The following TPRG1 variants were observed in gnomAD, a reference collection of about 807,000 sequenced individuals.
TPRG1 encodes tumor protein p63 regulated 1.
A neutral mutation model predicts 29.3 loss-of-function variants in TPRG1; 29 were observed. That is an observed-to-expected ratio of 0.99 (90% CI 0.74 to 1.35). The LOEUF (loss-of-function observed/expected upper bound fraction) is 1.35, where lower values mean the gene tolerates loss of function less well. Among genes scored for constraint, TPRG1 ranks in the 40% most tolerant of loss-of-function variants. The pLI is 0.00. For missense variants in TPRG1, 327 were observed against 335.0 expected (o/e 0.98, Z 0.19); for synonymous variants, 130 against 116.8 (o/e 1.11, Z -0.73).
intron 2 of TPRG1, among the ~76,000 whole-genome samples, chr3:189,003,505 C>T (rs1712133618): frequency 6.6e-6 from 1 of 152,146 alleles, no homozygotes. Flanking sequence ...AAAGTTTAAT[C>T]TCTCCTCTTT....
At chr3:189,272,752 G>GTTCCTTCC (rs1179275065) in intron 4 of TPRG1, among the ~76,000 whole-genome samples, 3 of 44,868 alleles carry the variant, frequency 6.7e-5, no homozygotes, top group Non-Finnish European at 1.4e-4. Context: ...TCCTTCCTTC[G>GTTCCTTCC]TTCCTTCCTT....
At chr3:189,164,006 T>C (rs2360224) in intron 5 of TPRG1, among the ~76,000 whole-genome samples, 36,936 of 151,812 alleles carry the variant, frequency 0.24, 4,703 homozygotes, top group South Asian at 0.4. Flanking sequence ...AACAAATAAA[T>C]AAGACATATA....
At chr3:189,203,392 G>C (rs1178796934) in intron 1 of TPRG1, among the ~76,000 whole-genome samples, 1 of 151,670 alleles carries the variant, frequency 6.6e-6, no homozygotes, top group Non-Finnish European at 1.5e-5. Context: ...TTTTAAAAGA[G>C]CAAAAATTGA....
intron 3 of TPRG1, among the ~76,000 whole-genome samples, chr3:189,144,337 T>C (rs1368778818): frequency 6.6e-6 from 1 of 152,220 alleles, no homozygotes; most frequent in Non-Finnish European, 1.5e-5. Flanking sequence ...TCAAGGTATT[T>C]TTAACCTTTA....
At chr3:189,065,934 A>G (rs1716414037) in intron 4 of TPRG1, among the ~76,000 whole-genome samples, 2 of 152,210 alleles carry the variant, frequency 1.3e-5, no homozygotes, top group Non-Finnish European at 2.9e-5. Context: ...GAATCCTAGA[A>G]CTAATAAATG....
chr3:189,304,591 A>G (rs568534167), intron 4 of TPRG1, among the ~76,000 whole-genome samples: 1 of 152,260 alleles, frequency 6.6e-6, no homozygotes, highest in East Asian at 1.9e-4. Flanking sequence ...CATGGAGAGA[A>G]TGTAAACACA....
chr3:189,203,161 T>C (rs1408770906), intron 1 of TPRG1, among the ~76,000 whole-genome samples: 1 of 152,180 alleles, frequency 6.6e-6, no homozygotes, highest in Non-Finnish European at 1.5e-5. Flanking sequence ...CTCAGAGAGA[T>C]AGATGAAGTT....
At chr3:189,155,245 G>T (rs1287729434) in intron 5 of TPRG1, among the ~76,000 whole-genome samples, 1 of 152,182 alleles carries the variant, frequency 6.6e-6, no homozygotes. Flanking sequence ...AAGGGTAGAA[G>T]GATGGACAGA....
intron 1 of TPRG1, among the ~76,000 whole-genome samples, chr3:189,203,354 A>G (rs982108290): frequency 2.6e-5 from 4 of 152,208 alleles, no homozygotes; most frequent in Non-Finnish European, 5.9e-5. Context: ...TTAATGCTAA[A>G]AAAATCAGCA....
chr3:189,124,141 C>T (rs1444344188), intron 1 of TPRG1, among the ~76,000 whole-genome samples: 2 of 152,112 alleles, frequency 1.3e-5, no homozygotes, highest in Admixed American at 6.5e-5. Flanking sequence ...ATTCAGAGCA[C>T]ATGAATTAAT....
chr3:189,224,375 G>A (rs1737385540), intron 3 of TPRG1, among the ~76,000 whole-genome samples: 1 of 152,184 alleles, frequency 6.6e-6, no homozygotes, highest in African/African-American at 2.4e-5. Context: ...AGCTACTCAG[G>A]AGGCTGAGGC....
At chr3:189,248,726 T>C (rs1252843851) in intron 4 of TPRG1, among the ~76,000 whole-genome samples, 3 of 151,242 alleles carry the variant, frequency 2.0e-5, no homozygotes, top group African/African-American at 7.2e-5. Context: ...TAAAGTTGAA[T>C]TTTTATGCTT....
chr3:189,086,685 G>A (rs1460908289), intron 4 of TPRG1, among the ~76,000 whole-genome samples: 2 of 151,812 alleles, frequency 1.3e-5, no homozygotes, highest in South Asian at 2.1e-4. Context: ...GTGCCACCAC[G>A]CCCAGCTAAT....
At chr3:189,031,135 C>A (rs1357446551) in intron 4 of TPRG1, among the ~76,000 whole-genome samples, 1 of 151,842 alleles carries the variant, frequency 6.6e-6, no homozygotes, top group African/African-American at 2.4e-5. Flanking sequence ...ACAACAACAA[C>A]AAAAAATTAT....
In TPRG1 at chr3:189,207,566, ATATCTCACGG is replaced by A. The variant is rs761733372; in HGVS notation, c.183_192del (p.Tyr61Ter). On this transcript the variant is annotated frameshift_variant, in exon 2 of 6. Transcript: ENST00000345063. LOFTEE classifies it high-confidence loss of function. ...TACCCCAATCCTTATCATCAGCCTT[ATATCTCACGG>A]AAGTACTTTGCTACACGGGTAAATT... 965 of 1,613,934 alleles carry A rather than the reference ATATCTCACGG, an allele frequency of 6.0e-4. 2 individuals are homozygous for A. Among genetic ancestry groups the A allele is most frequent in the Non-Finnish European group, 7.9e-4 (938 of 1,179,938 alleles).
intron 4 of TPRG1, among the ~76,000 whole-genome samples, chr3:189,286,191 C>A (rs889691304): frequency 6.6e-6 from 1 of 152,064 alleles, no homozygotes; most frequent in Non-Finnish European, 1.5e-5. Flanking sequence ...ATAATCACTC[C>A]CTCTTTTTTT....
intron 4 of TPRG1, among the ~76,000 whole-genome samples, chr3:189,055,375 A>G (rs1378311620): frequency 6.6e-6 from 1 of 152,188 alleles, no homozygotes; most frequent in East Asian, 1.9e-4. Context: ...GTAATAGCGA[A>G]GTGGAACCAA....
intron 1 of TPRG1, among the ~76,000 whole-genome samples, chr3:189,106,315 C>T (rs748983661): frequency 6.6e-6 from 1 of 152,110 alleles, no homozygotes; most frequent in Non-Finnish European, 1.5e-5. Flanking sequence ...ATATTGTCTG[C>T]AACCCCAACC....
chr3:189,317,628 C>A (rs945032126), intron 5 of TPRG1, among the ~76,000 whole-genome samples: 1 of 152,152 alleles, frequency 6.6e-6, no homozygotes, highest in Non-Finnish European at 1.5e-5. Flanking sequence ...ATCATAGTTC[C>A]AACTTAAGAC....
Sources: gnomAD v4.1 joint callset for allele counts (sites outside exome capture counted in the v4.1 genomes callset) on GRCh38, gnomAD v4.1.1 for gene constraint, MANE v1.5 for transcripts, NCBI Gene and HGNC (gene_info 2026-07-23, HGNC 2026-07-21) for gene names.